INSR: variants seen among roughly 807,000 people sequenced by gnomAD.
The protein encoded by INSR is IR.
Under a neutral mutation model 142.6 loss-of-function variants are expected in INSR, and 67 were observed. The observed-to-expected ratio is 0.47, with a 90% CI of 0.39 to 0.58. The LOEUF (loss-of-function observed/expected upper bound fraction) is 0.58, where lower values mean the gene tolerates loss of function less well. Ranked by LOEUF, INSR falls within the 20% of genes least tolerant of loss-of-function variation. The probability of loss-of-function intolerance (pLI) is 0.00; values close to 1 mark genes in which losing one functional copy is unlikely to be tolerated. For synonymous variants in INSR, 756 were observed against 743.1 expected (o/e 1.02, Z -0.28); for missense variants, 1,248 against 1,833.2 (o/e 0.68, Z 5.83).
At chr19:7,151,138 T>C (rs1181478801) in intron 10 of INSR, among the ~76,000 whole-genome samples, 1 of 132,238 alleles carries the variant, frequency 7.6e-6, no homozygotes, top group African/African-American at 2.8e-5. Context: ...CTGTCCTTTC[T>C]TTCTCTCTTT....
At chr19:7,195,734 C>A (rs967457929) in intron 2 of INSR, among the ~76,000 whole-genome samples, 5 of 151,862 alleles carry the variant, frequency 3.3e-5, no homozygotes, top group African/African-American at 1.2e-4. Flanking sequence ...ACTTAAGAGA[C>A]AGCAGCATTC....
chr19:7,234,498 C>T (rs1400923861), intron 2 of INSR, among the ~76,000 whole-genome samples: 1 of 152,148 alleles, frequency 6.6e-6, no homozygotes, highest in East Asian at 1.9e-4. Context: ...GTGAGCCACA[C>T]TGCCAGACCA....
chr19:7,116,792 C>A lies in INSR; in HGVS notation c.*264G>T, dbSNP rs1452418265. On this transcript the variant is annotated 3_prime_UTR_variant, in exon 22 of 22. Transcript: ENST00000302850. ...TGGGGGGAACGAAAAAACACAAAAT[C>A]CTGGTTTGAAACCGTCGTTGCCCCA... is the stretch of plus-strand genomic sequence containing the variant. 8 of 322,842 alleles carry A rather than the reference C, an allele frequency of 2.5e-5. No individual in the cohort carries two copies. Among genetic ancestry groups the A allele is most frequent in the African/African-American group, 1.7e-4 (8 of 46,068 alleles). The allele number at this position is 322,842 out of a possible 1,614,324, so 20.0% of individuals were successfully genotyped here.
intron 2 of INSR, among the ~76,000 whole-genome samples, chr19:7,226,634 G>C (rs953631627): frequency 6.7e-6 from 1 of 149,540 alleles, no homozygotes; most frequent in African/African-American, 2.5e-5. Flanking sequence ...AAGCTGAAGT[G>C]GGAGGATTGC....
At chr19:7,123,550 T>C (rs1348036250) in intron 17 of INSR, among the ~76,000 whole-genome samples, 2 of 152,166 alleles carry the variant, frequency 1.3e-5, no homozygotes, top group African/African-American at 4.8e-5. Context: ...CTCTAAGTCT[T>C]TGCTCAAATA....
intron 2 of INSR, among the ~76,000 whole-genome samples, chr19:7,227,164 A>G (rs981934207): frequency 6.6e-6 from 1 of 152,194 alleles, no homozygotes; most frequent in African/African-American, 2.4e-5. Flanking sequence ...GTTATTTTCA[A>G]TAGGTTTGGT....
Position 7,293,869 on chromosome 19 carries a change from C to A in INSR, c.23G>T (p.Gly8Val). MATGGRR[G>V]AAAAPLLVAV... ...CACCAGCAGCGGCGCGGCCGCCGCC[C>A]CCCGCCGGCCCCCGGTGGCCATGGC... Residue 8 changes from glycine to valine, a missense_variant, in exon 1 of 22, where the codon GGG becomes GTG. Physicochemically the swap from Gly to Val is moderately radical, Grantham distance 109 (BLOSUM62 -3). This residue lies in a region of INSR where 57 missense variants were observed against 49.5 expected (regional missense o/e 1.15). Coordinates refer to ENST00000302850, the MANE Select transcript of INSR (RefSeq NM_000208.4). 1.6e-6 allele frequency: 2 copies of A among 1,239,218 alleles called. No homozygotes were observed. The highest frequency in any genetic ancestry group is 3.4e-5 in the South Asian group (1 of 29,300). 76.8% of individuals were successfully genotyped at this position (1,239,218 alleles called of 1,614,324 possible).
At position 7,252,903 on chromosome 19, in the gene INSR, CAA is replaced by C. The variant is rs567894302; in HGVS notation, c.652+14440_652+14441del. On this transcript the variant is annotated intron_variant, in intron 2 of 21. Transcript: ENST00000302850. ...GGCCAAGGCGGGCAGATCACAAGGT[CAA>C]GAGATTGAGACCATCCTGGCCAACA... Among the ~76,000 whole-genome samples, 1,095 of 152,232 alleles carry C rather than the reference CAA, an allele frequency of 7.2e-3. 17 individuals carry two copies. The highest frequency in any genetic ancestry group is 0.025 in the African/African-American group (1,033 of 41,518).
At chr19:7,147,083 T>C (rs574206098) in intron 11 of INSR, among the ~76,000 whole-genome samples, 1 of 152,328 alleles carries the variant, frequency 6.6e-6, no homozygotes, top group East Asian at 1.9e-4. Flanking sequence ...AGTTAAGGTA[T>C]GTGATATTCA....
chr19:7,213,361 A>G (rs1017548525), intron 2 of INSR, among the ~76,000 whole-genome samples: 5 of 81,338 alleles, frequency 6.1e-5, no homozygotes, highest in Non-Finnish European at 1.4e-4. Flanking sequence ...AAAAAAAAAC[A>G]AACAAAAAAC....
chr19:7,215,423 A>G (rs1417439360), intron 2 of INSR, among the ~76,000 whole-genome samples: 1 of 141,202 alleles, frequency 7.1e-6, no homozygotes, highest in South Asian at 2.3e-4. Context: ...CCCCACCACC[A>G]CCCCCTCCAC....
intron 4 of INSR, among the ~76,000 whole-genome samples, chr19:7,173,985 A>T (rs1156603845): frequency 6.6e-6 from 1 of 151,940 alleles, no homozygotes; most frequent in Non-Finnish European, 1.5e-5. Flanking sequence ...TTGATTGTTA[A>T]AAACGACGAT....
chr19:7,218,885 G>A (rs1211450389), intron 2 of INSR, among the ~76,000 whole-genome samples: 1 of 152,108 alleles, frequency 6.6e-6, no homozygotes, highest in Admixed American at 6.6e-5. Flanking sequence ...GAAATCGTAT[G>A]AGGAAGTATC....
At chr19:7,289,742 G>T (rs913599519) in intron 1 of INSR, among the ~76,000 whole-genome samples, 1 of 152,128 alleles carries the variant, frequency 6.6e-6, no homozygotes, top group African/African-American at 2.4e-5. Flanking sequence ...AAGAGCAAGA[G>T]CCCAGATGGG....
rs919608663 is a variant in INSR, at chr19:7,114,922, A to G, written c.*2134T>C. 1 of 151,806 alleles carries G rather than the reference A, an allele frequency of 6.6e-6. No homozygotes were observed. The highest frequency in any genetic ancestry group is 2.4e-5 in the African/African-American group (1 of 41,374). The allele number at this position is 151,806 out of a possible 1,614,324, so 9.4% of individuals were successfully genotyped here. A position where few individuals can be genotyped will look rare whatever the true frequency, so the allele number is the denominator to read the frequency against. On this transcript the variant is annotated 3_prime_UTR_variant, in exon 22 of 22. Transcript: ENST00000302850. Reference sequence around the variant, plus strand: ...CTAGTTCTACGTGTTTTTTTTTTAAATTTAGGTACAGACCCTCATATTTAC... The same window carrying G: ...CTAGTTCTACGTGTTTTTTTTTTAAGTTTAGGTACAGACCCTCATATTTAC...
intron 13 of INSR, among the ~76,000 whole-genome samples, chr19:7,134,442 C>T (rs528726349): frequency 1.0e-5 from 1 of 98,300 alleles, no homozygotes; most frequent in Non-Finnish European, 1.9e-5. Context: ...CACGGTGCTG[C>T]CTTTCGATTT....
Position 7,166,037 on chromosome 19 carries a change from A to G in INSR, c.1861+117T>C. On this transcript the variant is annotated intron_variant, in intron 8 of 21. Transcript: ENST00000302850. This position sits in a 1 kb window ranked among gnomAD's most constrained non-coding sequence, Gnocchi z 4.1. The stretch of plus-strand genomic sequence containing the variant: ...TGACAAAGTAAGACCCTGTCTAAAA[A>G]AAAAAAAAAAGCCAATAACCATATC... The G allele has an allele frequency of 8.2e-7, 1 of 1,214,436 alleles. No homozygotes were observed. The highest frequency in any genetic ancestry group is 1.2e-6 in the Non-Finnish European group (1 of 857,108). The allele number at this position is 1,214,436 out of a possible 1,614,324, so 75.2% of individuals were successfully genotyped here.
chr19:7,138,668 G>T (rs1365453280), intron 13 of INSR, among the ~76,000 whole-genome samples: 2 of 152,032 alleles, frequency 1.3e-5, no homozygotes, highest in African/African-American at 4.8e-5. Flanking sequence ...CACCATGCTT[G>T]GCCCCCAAAC....
intron 2 of INSR, among the ~76,000 whole-genome samples, chr19:7,198,614 G>T (rs1392166548): frequency 1.3e-5 from 2 of 152,010 alleles, no homozygotes; most frequent in Non-Finnish European, 2.9e-5. Flanking sequence ...GCTCACTAGG[G>T]TCACACAGCA....
Sources: allele counts gnomAD v4.1 joint callset (sites outside exome capture counted in the v4.1 genomes callset), GRCh38; gene constraint gnomAD v4.1.1; regional missense constraint gnomAD v4.1.1; non-coding constraint Gnocchi (gnomAD v3.1); transcripts MANE v1.5; gene names NCBI Gene and HGNC (gene_info 2026-07-23, HGNC 2026-07-21).